PRKCH: variants seen among roughly 807,000 people sequenced by gnomAD.
PRKCH encodes protein kinase C eta.
In PRKCH, 28 loss-of-function variants were observed where a neutral mutation model predicts 82.5. The ratio of observed to expected loss-of-function variants is 0.34; its 90% CI spans 0.25 to 0.47. The LOEUF (loss-of-function observed/expected upper bound fraction) is 0.47, where lower values mean the gene tolerates loss of function less well. Among genes scored for constraint, PRKCH ranks in the 20% least tolerant of loss-of-function variants. The probability of loss-of-function intolerance (pLI) is 1.00; values close to 1 mark genes in which losing one functional copy is unlikely to be tolerated. For synonymous variants in PRKCH, 322 were observed against 327.4 expected, an observed-to-expected ratio of 0.98 and a Z score of 0.18; for missense variants, 705 against 881.8, an observed-to-expected ratio of 0.80 and a Z score of 2.54.
chr14:61,288,417 C>T (rs1302132937), intron 1 of PRKCH, among the ~76,000 whole-genome samples: 11 of 152,076 alleles, frequency 7.2e-5, no homozygotes, highest in Admixed American at 7.2e-4. Flanking sequence ...CTTTCAATTC[C>T]ATTACCTAGG....
chr14:61,402,346 G>A (rs372650075), intron 2 of PRKCH, among the ~76,000 whole-genome samples: 1 of 152,154 alleles, frequency 6.6e-6, no homozygotes, highest in East Asian at 1.9e-4. Flanking sequence ...ACTACGCCTT[G>A]TTTACTTTTG....
At chr14:61,420,486 C>T (rs115011134) in intron 2 of PRKCH, among the ~76,000 whole-genome samples, 5,327 of 152,230 alleles carry the variant, frequency 0.035, 281 homozygotes, top group African/African-American at 0.12. Flanking sequence ...GAATTTGCTG[C>T]CAGAGGGTCT....
At chr14:61,210,107 AACAAATATATATAT>A (rs1358814215) in intron 1 of PRKCH, among the ~76,000 whole-genome samples, 2 of 107,792 alleles carry the variant, frequency 1.9e-5, no homozygotes, top group African/African-American at 7.5e-5. Context: ...CAAACAAACA[AACAAATATATATAT>A]ATATATATAT....
chr14:61,433,828 G>C (rs1228881680), intron 2 of PRKCH, among the ~76,000 whole-genome samples: 1 of 152,168 alleles, frequency 6.6e-6, no homozygotes, highest in Non-Finnish European at 1.5e-5. Flanking sequence ...TAAGACTGTA[G>C]ATGTACAGTA....
intron 1 of PRKCH, among the ~76,000 whole-genome samples, chr14:61,310,013 G>A (rs567030371): frequency 5.3e-5 from 8 of 151,908 alleles, no homozygotes; most frequent in African/African-American, 1.9e-4. Flanking sequence ...ACTATCACAA[G>A]AATAGCATGG....
intron 1 of PRKCH, among the ~76,000 whole-genome samples, chr14:61,206,561 C>A (rs1209702356): frequency 6.6e-6 from 1 of 152,142 alleles, no homozygotes; most frequent in East Asian, 1.9e-4. Flanking sequence ...AATGAACCCA[C>A]TATAGGGGGG....
intron 10 of PRKCH, among the ~76,000 whole-genome samples, 169 bp downstream of exon 10, chr14:61,485,825 G>C (rs1337298094): frequency 6.6e-6 from 1 of 152,052 alleles, no homozygotes; most frequent in Non-Finnish European, 1.5e-5. Flanking sequence ...TCCATAGCCC[G>C]GGCTGGAGTG....
intron 1 of PRKCH, among the ~76,000 whole-genome samples, chr14:61,232,558 A>G (rs992419082): frequency 3.3e-5 from 5 of 152,198 alleles, no homozygotes; most frequent in Admixed American, 6.5e-5. Context: ...AGCCAGATGA[A>G]GAGATACAAA....
chr14:61,207,445 C>T (rs969354118), intron 1 of PRKCH, among the ~76,000 whole-genome samples: 21 of 152,216 alleles, frequency 1.4e-4, no homozygotes, highest in African/African-American at 4.6e-4. Flanking sequence ...ACATTAAGTC[C>T]CCTTTGGTTT....
At chr14:61,458,073 C>CA in intron 9 of PRKCH, among the ~76,000 whole-genome samples, 2 of 152,304 alleles carry the variant, frequency 1.3e-5, no homozygotes, top group South Asian at 4.2e-4. Context: ...CTGGTTCTGA[C>CA]CTGGGCACAG....
At chr14:61,403,283 A>G (rs999485033) in intron 2 of PRKCH, among the ~76,000 whole-genome samples, 1 of 152,178 alleles carries the variant, frequency 6.6e-6, no homozygotes, top group African/African-American at 2.4e-5. Flanking sequence ...AAAATTTTAC[A>G]ATTTCTAGGT....
At chr14:61,311,031 C>T (rs984361025) in intron 1 of PRKCH, among the ~76,000 whole-genome samples, 2 of 152,240 alleles carry the variant, frequency 1.3e-5, no homozygotes, top group Admixed American at 1.3e-4. Context: ...TGTTCCAAGG[C>T]TGCACAGAGC....
intron 1 of PRKCH, among the ~76,000 whole-genome samples, chr14:61,247,232 G>T (rs2044893240): frequency 6.6e-6 from 1 of 151,030 alleles, no homozygotes; most frequent in Non-Finnish European, 1.5e-5. Flanking sequence ...AAAAGAAAGT[G>T]TCCCCTTAAA....
Position 61,549,759 on chromosome 14 carries a change from G to A in PRKCH, c.1980G>A (p.Glu660=), listed in dbSNP as rs762388050. 3.7e-6 allele frequency: 6 copies of A among 1,613,876 alleles called. No homozygotes were observed. The South Asian group carries it at 5.5e-5, about 15-fold the overall frequency. Residue 660 remains glutamate (E), a synonymous_variant, in exon 14 of 14, where the codon GAG becomes GAA. Transcript: ENST00000332981. The part of the protein sequence containing the change: ...KEEPVLTPID[E]GHLPMINQDE... The stretch of plus-strand genomic sequence containing the variant: ...AGCCAGTTTTAACTCCAATTGATGA[G>A]GGACATCTTCCAATGATTAACCAGG...
intron 1 of PRKCH, among the ~76,000 whole-genome samples, chr14:61,209,310 TA>T (rs6145367): frequency 0.43 from 36,522 of 84,814 alleles, 7,578 homozygotes; most frequent in Non-Finnish European, 0.54. Flanking sequence ...TGCCTTTATT[TA>T]AAAAAAAAAA....
At chr14:61,479,649 C>G (rs2140322165) in intron 9 of PRKCH, among the ~76,000 whole-genome samples, 1 of 152,300 alleles carries the variant, frequency 6.6e-6, no homozygotes, top group Non-Finnish European at 1.5e-5. Flanking sequence ...TCGAACAGCC[C>G]TTAATGAGGG....
Position 61,280,975 on chromosome 14 carries a change from T to C in PRKCH, c.-19+93307T>C, listed in dbSNP as rs1264634042. Reference sequence around the variant, plus strand: ...GTCGTACTCCAGCTCCTTGATGCCGTTGGAGGAGTAGTAGAGGCCCAGGCC... The same window carrying C: ...GTCGTACTCCAGCTCCTTGATGCCGCTGGAGGAGTAGTAGAGGCCCAGGCC... On this transcript the variant is annotated intron_variant, in intron 1 of 3. Transcript: ENST00000555185. This position sits in a 1 kb window ranked among gnomAD's most constrained non-coding sequence, Gnocchi z 5.0. The C allele has an allele frequency of 5.8e-6, 9 of 1,542,594 alleles. No individual in the cohort carries two copies. Among genetic ancestry groups the C allele is most frequent in the East Asian group, 2.5e-5 (1 of 40,812 alleles).
At chr14:61,340,944 C>G (rs1210301846) in intron 1 of PRKCH, among the ~76,000 whole-genome samples, 2 of 152,208 alleles carry the variant, frequency 1.3e-5, no homozygotes, top group Non-Finnish European at 2.9e-5. Context: ...TACTTTCTGA[C>G]TCAATTTCTT....
chr14:61,354,313 A>G (rs1368589573), intron 1 of PRKCH, among the ~76,000 whole-genome samples: 1 of 152,116 alleles, frequency 6.6e-6, no homozygotes, highest in Admixed American at 6.6e-5. Context: ...ACTTAATTGT[A>G]TAATTGCAGT....
Sources: gnomAD v4.1 joint callset for allele counts (sites outside exome capture counted in the v4.1 genomes callset) on GRCh38, gnomAD v4.1.1 for gene constraint, Gnocchi (gnomAD v3.1) non-coding constraint, MANE v1.5 for transcripts, NCBI Gene and HGNC (gene_info 2026-07-23, HGNC 2026-07-21) for gene names.